Variants in BACH2 observed in about 807,000 individuals in gnomAD.
BACH2 encodes BACH transcriptional regulator 2, also known as transcription regulator protein BACH2.
BACH2 carries 5 observed loss-of-function variants against 61.8 expected under a neutral mutation model. The observed-to-expected ratio is 0.08, with a 90% CI of 0.04 to 0.17. The LOEUF (loss-of-function observed/expected upper bound fraction) is 0.17, where lower values mean the gene tolerates loss of function less well. BACH2 is among the 10% of genes least tolerant of loss of function. BACH2 has a pLI of 1.00. For missense variants in BACH2, 824 were observed against 1,091.1 expected, an observed-to-expected ratio of 0.76 and a Z score of 3.45; for synonymous variants, 446 against 440.1, an observed-to-expected ratio of 1.01 and a Z score of -0.17.
chr6:90,252,678 G>A (rs568000702), intron 2 of BACH2, 88 bp from the exon 3 acceptor site: 2 of 152,258 alleles, frequency 1.3e-5, no homozygotes, highest in South Asian at 4.1e-4. Flanking sequence ...CAATGATCCA[G>A]AAGCTGTATT....
intron 5 of BACH2, among the ~76,000 whole-genome samples, chr6:90,046,701 C>G (rs1404202580): frequency 1.3e-5 from 2 of 152,062 alleles, no homozygotes; most frequent in East Asian, 3.9e-4. Context: ...TCCATGGGCT[C>G]TTTCAGATGT....
chr6:90,095,551 C>T (rs938394530), intron 4 of BACH2, among the ~76,000 whole-genome samples: 3 of 152,038 alleles, frequency 2.0e-5, no homozygotes, highest in Admixed American at 2.0e-4. Context: ...TGTTTAAGTT[C>T]CCAAATACAA....
chr6:90,279,657 A>T (rs1414831564), intron 1 of BACH2, among the ~76,000 whole-genome samples: 1 of 152,260 alleles, frequency 6.6e-6, no homozygotes, highest in Non-Finnish European at 1.5e-5. Flanking sequence ...TACCAAAAGA[A>T]CACAGACCTG....
At chr6:90,029,925 G>C (rs1778869245) in intron 5 of BACH2, among the ~76,000 whole-genome samples, 1 of 152,182 alleles carries the variant, frequency 6.6e-6, no homozygotes, top group African/African-American at 2.4e-5. Flanking sequence ...TGGTACAAAA[G>C]CAAAAGAAAG....
chr6:90,086,567 C>A (rs181738294), intron 5 of BACH2, among the ~76,000 whole-genome samples: 8 of 152,170 alleles, frequency 5.3e-5, no homozygotes, highest in African/African-American at 9.7e-5. Context: ...CCTACTCACT[C>A]GGTGACTGAA....
intron 5 of BACH2, among the ~76,000 whole-genome samples, chr6:90,014,188 A>T (rs1329564589): frequency 6.6e-6 from 1 of 151,014 alleles, no homozygotes; most frequent in Non-Finnish European, 1.5e-5. Context: ...TTTCTTACAT[A>T]GTTTTTCTGG....
At chr6:89,949,554 C>A (rs1042539066) in intron 7 of BACH2, among the ~76,000 whole-genome samples, 9 of 152,184 alleles carry the variant, frequency 5.9e-5, no homozygotes, top group African/African-American at 9.7e-5. Flanking sequence ...CATGGAGCCT[C>A]TGGACATTTT....
chr6:90,205,328 CCT>C (rs937574614), intron 4 of BACH2, among the ~76,000 whole-genome samples: 10 of 152,226 alleles, frequency 6.6e-5, no homozygotes, highest in African/African-American at 2.4e-4. Context: ...ACAACTCTCC[CCT>C]GTTTTAAATC....
rs181752832 is a variant in BACH2, at chr6:90,026,422, T to G, written c.-12-17566A>C. On this transcript the variant is annotated intron_variant, in intron 5 of 8. Coordinates refer to ENST00000257749, the MANE Select transcript of BACH2 (RefSeq NM_021813.4). ...TGACAATGCTGGGCTTGAGTTTCCA[T>G]GTGAAGTCAAGAAGCAATATATTAG... Among the ~76,000 whole-genome samples the G allele has an allele frequency of 3.2e-4, 48 of 152,318 alleles. No individual in the cohort carries two copies. In the East Asian group the frequency reaches 8.9e-3, roughly 28 times the overall value.
At chr6:90,096,042 T>C (rs1456548449) in intron 4 of BACH2, among the ~76,000 whole-genome samples, 1 of 152,148 alleles carries the variant, frequency 6.6e-6, no homozygotes, top group Non-Finnish European at 1.5e-5. Flanking sequence ...GACTACATCC[T>C]TCTTCTGCGA....
intron 5 of BACH2, among the ~76,000 whole-genome samples, chr6:90,028,851 C>A (rs75220020): frequency 6.6e-6 from 1 of 152,164 alleles, no homozygotes; most frequent in Admixed American, 6.5e-5. Flanking sequence ...TTAACTTTTC[C>A]GTGCCTCAGT....
intron 6 of BACH2, among the ~76,000 whole-genome samples, chr6:89,986,587 T>G (rs936655463): frequency 1.3e-5 from 2 of 152,212 alleles, no homozygotes; most frequent in African/African-American, 4.8e-5. Context: ...TCCCTGTCAC[T>G]AAATTTGAAT....
intron 4 of BACH2, among the ~76,000 whole-genome samples, chr6:90,158,168 C>T (rs1341108367): frequency 1.3e-5 from 2 of 152,010 alleles, no homozygotes; most frequent in Non-Finnish European, 2.9e-5. Context: ...TGAGGGTGAG[C>T]TTGGAGTAAG....
chr6:90,050,947 G>A (rs184956057), intron 5 of BACH2, among the ~76,000 whole-genome samples: 1,777 of 151,836 alleles, frequency 0.012, 16 homozygotes, highest in Middle Eastern at 0.031. Flanking sequence ...AATTTTTGTA[G>A]TTTTAGTAGA....
chr6:90,158,768 G>C (rs1269933169), intron 4 of BACH2, among the ~76,000 whole-genome samples: 1 of 150,770 alleles, frequency 6.6e-6, no homozygotes, highest in East Asian at 2.0e-4. Flanking sequence ...CTTTTGGTGG[G>C]GGGGGGGCAC....
chr6:90,153,087 C>T (rs1339499104), intron 4 of BACH2, among the ~76,000 whole-genome samples: 1 of 152,114 alleles, frequency 6.6e-6, no homozygotes, highest in African/African-American at 2.4e-5. Flanking sequence ...GACGAAATCT[C>T]ATCAGTACAT....
intron 6 of BACH2, among the ~76,000 whole-genome samples, chr6:89,958,200 C>G (rs777655014): frequency 6.6e-6 from 1 of 152,096 alleles, no homozygotes; most frequent in Non-Finnish European, 1.5e-5. Flanking sequence ...AGGCTGGCCT[C>G]GAACTCCTGG....
intron 5 of BACH2, among the ~76,000 whole-genome samples, chr6:90,058,549 C>G (rs1199255684): frequency 1.3e-5 from 2 of 151,964 alleles, no homozygotes; most frequent in African/African-American, 4.8e-5. Flanking sequence ...CCATACTGCC[C>G]AAGGTAATTT....
intron 4 of BACH2, among the ~76,000 whole-genome samples, chr6:90,095,779 T>TCCA (rs34597953): frequency 0.38 from 57,555 of 151,474 alleles, 12,450 homozygotes; most frequent in East Asian, 0.86. Context: ...CATCATCATC[T>TCCA]CCACCACCAC....
Sources: allele counts gnomAD v4.1 joint callset (sites outside exome capture counted in the v4.1 genomes callset), GRCh38; gene constraint gnomAD v4.1.1; transcripts MANE v1.5; gene names NCBI Gene and HGNC (gene_info 2026-07-23, HGNC 2026-07-21).